Variants in SNAP29 observed in about 807,000 individuals in gnomAD.
SNAP29 encodes the protein synaptosomal-associated protein 29.
In SNAP29, 13 loss-of-function variants were observed where a neutral mutation model predicts 27.9. The observed-to-expected ratio is 0.47, with a 90% CI of 0.30 to 0.74. SNAP29 has a LOEUF of 0.74. Ranked by LOEUF, SNAP29 falls within the 30% of genes least tolerant of loss-of-function variation. The pLI is 0.06. For synonymous variants in SNAP29, 119 were observed against 127.1 expected (o/e 0.94, Z 0.43); for missense variants, 368 against 336.5 (o/e 1.09, Z -0.73).
chr22:20,866,463 T>C (rs1928462258), intron 1 of SNAP29, among the ~76,000 whole-genome samples: 1 of 152,252 alleles, frequency 6.6e-6, no homozygotes. Flanking sequence ...GAACCTCATT[T>C]ATCAGAACCT....
At chr22:20,861,095 C>T (rs1160538758) in intron 1 of SNAP29, among the ~76,000 whole-genome samples, 5 of 151,636 alleles carry the variant, frequency 3.3e-5, no homozygotes, top group Non-Finnish European at 7.4e-5. Flanking sequence ...TTCATGTATC[C>T]CTCATTGATC....
chr22:20,868,297 T>G (rs964379410), intron 1 of SNAP29, among the ~76,000 whole-genome samples: 1 of 152,206 alleles, frequency 6.6e-6, no homozygotes, highest in African/African-American at 2.4e-5. Context: ...AGGCTGATGG[T>G]TTGTTCAGAC....
intron 1 of SNAP29, among the ~76,000 whole-genome samples, chr22:20,866,127 A>G (rs1290577557): frequency 2.0e-5 from 3 of 152,256 alleles, no homozygotes; most frequent in Non-Finnish European, 2.9e-5. Context: ...TGTGGAGTGT[A>G]TGGACAACCC....
In SNAP29 at chr22:20,864,303, C is replaced by T. The variant is rs149471305; in HGVS notation, c.237+4956C>T. On this transcript the variant is annotated intron_variant, in intron 1 of 4. Coordinates refer to ENST00000215730, the MANE Select transcript of SNAP29 (RefSeq NM_004782.4). ...CAAACGTGATGCACTCAGCAGCCAC[C>T]GCCAGCACATCCTCCACACCGTCTC... Among the ~76,000 whole-genome samples the T allele has an allele frequency of 2.7e-3, 417 of 152,260 alleles. 7 individuals carry two copies. Among genetic ancestry groups the T allele is most frequent in the East Asian group, 1.5e-3 (8 of 5,184 alleles).
Position 20,859,075 on chromosome 22 carries a change from C to T in SNAP29, c.-36C>T, listed in dbSNP as rs1268168567. On this transcript the variant is annotated 5_prime_UTR_variant, in exon 1 of 5. Coordinates refer to ENST00000215730, the MANE Select transcript of SNAP29 (RefSeq NM_004782.4). ...GGACGGCGGCGGCAGTGGGGCTCCT[C>T]CTTCTGTTTCCCAGACCGAGAGCCG... The T allele has an allele frequency of 6.5e-7, 1 of 1,533,664 alleles. No homozygotes were observed. The highest frequency in any genetic ancestry group is 9.0e-7 in the Non-Finnish European group (1 of 1,116,142).
At chr22:20,874,200 A>C (rs1160471462) in intron 2 of SNAP29, among the ~76,000 whole-genome samples, 1 of 146,158 alleles carries the variant, frequency 6.8e-6, no homozygotes, top group African/African-American at 2.5e-5. Context: ...GCGTGAACCC[A>C]GGAGGCGGAG....
At chr22:20,872,966 A>T (rs1928635081) in intron 2 of SNAP29, among the ~76,000 whole-genome samples, 1 of 148,200 alleles carries the variant, frequency 6.7e-6, no homozygotes, top group African/African-American at 2.5e-5. Flanking sequence ...AGTAGCTGGG[A>T]TTACAGGCAT....
intron 1 of SNAP29, 74 bp downstream of exon 1, chr22:20,859,421 C>G (rs1928168287): frequency 8.8e-7 from 1 of 1,136,004 alleles, no homozygotes; most frequent in Non-Finnish European, 1.3e-6. Flanking sequence ...ATGTTTTGCT[C>G]ACAATCTTTT....
chr22:20,864,368 A>G (rs1374229239), intron 1 of SNAP29, among the ~76,000 whole-genome samples: 2 of 152,108 alleles, frequency 1.3e-5, no homozygotes, highest in African/African-American at 4.8e-5. Context: ...TCCAGCACAC[A>G]ACAGTCACCC....
At position 20,888,309 on chromosome 22, in the gene SNAP29, ATT is replaced by A. The variant is rs1171630471; in HGVS notation, c.*474_*475del. 2 of 207,692 alleles carry A rather than the reference ATT, an allele frequency of 9.6e-6. No homozygotes were observed. The highest frequency in any genetic ancestry group is 1.2e-4 in the East Asian group (1 of 8,218). 12.9% of individuals were successfully genotyped at this position (207,692 alleles called of 1,614,324 possible). ...CCCACACCTTTGTTTAGGAGTCATCATTCACACACACACACACACACACACAC... is the reference window on the plus strand; with the variant it reads ...CCCACACCTTTGTTTAGGAGTCATCACACACACACACACACACACACACAC... On this transcript the variant is annotated 3_prime_UTR_variant, in exon 5 of 5. Coordinates refer to ENST00000215730, the MANE Select transcript of SNAP29 (RefSeq NM_004782.4).
chr22:20,890,360 TG>T lies in SNAP29; in HGVS notation c.*2525del. On this transcript the variant is annotated 3_prime_UTR_variant, in exon 5 of 5. Transcript: ENST00000215730. ...CTGACTGTGGGATGGGATTTGGTACTGCAGACAGATTTTGATTTCCACAGTT... is the reference window on the plus strand; with the variant it reads ...CTGACTGTGGGATGGGATTTGGTACTCAGACAGATTTTGATTTCCACAGTT... 2 of 398,648 alleles carry T rather than the reference TG, an allele frequency of 5.0e-6. No homozygotes were observed. Among genetic ancestry groups the T allele is most frequent in the Non-Finnish European group, 4.4e-6 (1 of 226,074 alleles). The allele number at this position is 398,648 out of a possible 1,614,324, so 24.7% of individuals were successfully genotyped here. A position where few individuals can be genotyped will look rare whatever the true frequency, so the allele number is the denominator to read the frequency against.
intron 1 of SNAP29, among the ~76,000 whole-genome samples, chr22:20,862,091 T>C (rs1928338792): frequency 6.6e-6 from 1 of 152,204 alleles, no homozygotes; most frequent in Admixed American, 6.5e-5. Context: ...AGGGAGGTTT[T>C]GCCTGTAGTT....
Position 20,881,044 on chromosome 22 carries a change from C to A in SNAP29, c.435-5C>A. ...GTTTTCTTTTTTGTGAACTTTTATC[C>A]AAAGATTGAAAGAAGCTATAAGTAC... On this transcript the variant is annotated splice_region_variant and splice_polypyrimidine_tract_variant and intron_variant, in intron 2 of 4. Coordinates refer to ENST00000215730, the MANE Select transcript of SNAP29 (RefSeq NM_004782.4). The A allele has an allele frequency of 6.3e-7, 1 of 1,596,818 alleles. No individual in the cohort carries two copies. The highest frequency in any genetic ancestry group is 1.1e-5 in the South Asian group (1 of 90,694).
At chr22:20,867,517 A>G (rs715579) in intron 1 of SNAP29, among the ~76,000 whole-genome samples, 16,748 of 152,178 alleles carry the variant, frequency 0.11, 1,347 homozygotes, top group Non-Finnish European at 0.16. Flanking sequence ...AAGCACATTA[A>G]GTCCGGTCAT....
intron 3 of SNAP29, among the ~76,000 whole-genome samples, chr22:20,883,121 T>C (rs1021651608): frequency 6.6e-6 from 1 of 152,220 alleles, no homozygotes; most frequent in Non-Finnish European, 1.5e-5. Context: ...TTATACTTTG[T>C]CCACAGACTG....
At chr22:20,874,317 G>GACACACACAGAC (rs1555914208) in intron 2 of SNAP29, among the ~76,000 whole-genome samples, 1 of 118,116 alleles carries the variant, frequency 8.5e-6, no homozygotes, top group African/African-American at 3.1e-5. Flanking sequence ...GACACACACA[G>GACACACACAGAC]ACACACACAC....
At chr22:20,868,932 A>G (rs1209743549) in intron 1 of SNAP29, among the ~76,000 whole-genome samples, 1 of 152,194 alleles carries the variant, frequency 6.6e-6, no homozygotes, top group Non-Finnish European at 1.5e-5. Context: ...TCACGTCTCC[A>G]TTGGGCAGAT....
chr22:20,861,685 G>A (rs1019148524), intron 1 of SNAP29, among the ~76,000 whole-genome samples: 1 of 152,000 alleles, frequency 6.6e-6, no homozygotes, highest in South Asian at 2.1e-4. Flanking sequence ...TCCCAGGCTA[G>A]AGTTCAGTGG....
intron 2 of SNAP29, among the ~76,000 whole-genome samples, chr22:20,878,082 G>A (rs1056355502): frequency 3.9e-5 from 6 of 152,164 alleles, no homozygotes; most frequent in South Asian, 2.1e-4. Flanking sequence ...CTTAGCTTGC[G>A]GGAGTCTGGA....
Sources: gnomAD v4.1 joint callset for allele counts (sites outside exome capture counted in the v4.1 genomes callset) on GRCh38, gnomAD v4.1.1 for gene constraint, MANE v1.5 for transcripts, NCBI Gene and HGNC (gene_info 2026-07-23, HGNC 2026-07-21) for gene names.